The following APC variants were observed in gnomAD, a reference collection of about 807,000 sequenced individuals.
APC encodes adenomatous polyposis coli protein.
A neutral mutation model predicts 247.0 loss-of-function variants in APC; 72 were observed. The observed-to-expected ratio is 0.29, with a 90% CI of 0.24 to 0.35. APC has a LOEUF of 0.35. APC is among the 10% of genes least tolerant of loss of function. The pLI is 1.00. For missense variants in APC, 3,400 were observed against 3,360.7 expected (o/e 1.01, Z -0.29); for synonymous variants, 1,254 against 1,162.5 (o/e 1.08, Z -1.60).
At position 112,838,366 on chromosome 5, in the gene APC, A is replaced by C. The variant is rs1554084440; in HGVS notation, c.2772A>C (p.Arg924Ser). The change falls in exon 16 of 16, where the codon AGA (arginine) becomes AGC (serine). Residue 924 changes from arginine to serine, a missense_variant. Arg to Ser is a moderately radical substitution (Grantham distance 110). Coordinates refer to ENST00000257430, the MANE Select transcript of APC (RefSeq NM_000038.6). The stretch of plus-strand genomic sequence containing the variant: ...CAGATGAGAGAAATGCACTTAGAAG[A>C]AGCTCTGCTGCCCATACACATTCAA... ...CVTDERNALR[R>S]SSAAHTHSNT... The C allele has an allele frequency of 3.1e-6, 5 of 1,614,202 alleles. No homozygotes were observed. The highest frequency in any genetic ancestry group is 3.4e-6 in the Non-Finnish European group (4 of 1,180,030).
intron 1 of APC, among the ~76,000 whole-genome samples, chr5:112,726,872 CAT>C (rs1751810639): frequency 6.6e-6 from 1 of 152,092 alleles, no homozygotes; most frequent in South Asian, 2.1e-4. Context: ...AGTTTTAAAA[CAT>C]TGATCTATTT....
Position 112,821,593 on chromosome 5 carries a change from A to G in APC, c.1313-303A>G, listed in dbSNP as rs963615307. Among the ~76,000 whole-genome samples, 3 of 152,130 alleles carry G rather than the reference A, an allele frequency of 2.0e-5. No individual in the cohort carries two copies. The South Asian group carries it at 6.2e-4, about 32-fold the overall frequency. On this transcript the variant is annotated intron_variant, in intron 10 of 15. Coordinates refer to ENST00000257430, the MANE Select transcript of APC (RefSeq NM_000038.6). ...CCAAAATATTTTTATTATTTTGTATACTCAACATAATTTTAAGTTATTAGC... is the reference window on the plus strand; with the variant it reads ...CCAAAATATTTTTATTATTTTGTATGCTCAACATAATTTTAAGTTATTAGC...
chr5:112,723,285 G>C (rs974928241), intron 1 of APC, among the ~76,000 whole-genome samples: 1 of 152,076 alleles, frequency 6.6e-6, no homozygotes, highest in Non-Finnish European at 1.5e-5. Flanking sequence ...AACATGGAGA[G>C]GCCCTGCCTC....
intron 1 of APC, among the ~76,000 whole-genome samples, chr5:112,709,346 T>C (rs553122989): frequency 6.6e-6 from 1 of 152,188 alleles, no homozygotes; most frequent in African/African-American, 2.4e-5. Context: ...AATTTAGAGA[T>C]AGAATTGTTC....
intron 8 of APC, among the ~76,000 whole-genome samples, chr5:112,811,166 A>C (rs987913027): frequency 3.9e-5 from 6 of 152,224 alleles, no homozygotes; most frequent in African/African-American, 1.4e-4. Context: ...GTTGGATAGG[A>C]AAAAGGACAG....
intron 8 of APC, among the ~76,000 whole-genome samples, chr5:112,810,771 G>C (rs1023642392): frequency 6.6e-6 from 1 of 152,164 alleles, no homozygotes; most frequent in Admixed American, 6.5e-5. Context: ...AATACATGCT[G>C]GATTTGCTAG....
At chr5:112,798,557 C>A (rs989756387) in intron 7 of APC, among the ~76,000 whole-genome samples, 9 of 151,964 alleles carry the variant, frequency 5.9e-5, no homozygotes, top group African/African-American at 2.2e-4. Flanking sequence ...AAATACCTCA[C>A]CAAAATTTTT....
At chr5:112,753,626 G>A (rs1235045641) in intron 1 of APC, among the ~76,000 whole-genome samples, 1 of 152,056 alleles carries the variant, frequency 6.6e-6, no homozygotes, top group Non-Finnish European at 1.5e-5. Context: ...TTCCTCCTCA[G>A]ATGTCATTGG....
Position 112,844,290 on chromosome 5 carries a change from C to A in APC, c.*164C>A. 1.5e-6 allele frequency: 1 copy of A among 658,920 alleles called. No individual in the cohort carries two copies. Among genetic ancestry groups the A allele is most frequent in the Non-Finnish European group, 2.5e-6 (1 of 399,488 alleles). 40.8% of individuals were successfully genotyped at this position (658,920 alleles called of 1,614,324 possible). A position where few individuals can be genotyped will look rare whatever the true frequency, so the allele number is the denominator to read the frequency against. The stretch of plus-strand genomic sequence containing the variant: ...AGCCATATTTGATAGTATACTTTGT[C>A]TTCACTGGTCTTATTTTGGGAGGCA... On this transcript the variant is annotated 3_prime_UTR_variant, in exon 16 of 16. Transcript: ENST00000257430.
intron 1 of APC, among the ~76,000 whole-genome samples, chr5:112,720,535 GA>G (rs1374206552): frequency 1.3e-5 from 2 of 152,174 alleles, no homozygotes. Flanking sequence ...TTAAACATGT[GA>G]AAACAGAGGC....
chr5:112,735,186 T>C (rs1276987939), upstream of APC, among the ~76,000 whole-genome samples: 3 of 151,970 alleles, frequency 2.0e-5, no homozygotes, highest in Non-Finnish European at 4.4e-5. Context: ...AGAAAAAATA[T>C]ATATATCTTT....
intron 14 of APC, chr5:112,829,805 A>G (rs975635690): frequency 2.0e-5 from 3 of 152,246 alleles, no homozygotes; most frequent in African/African-American, 4.8e-5. Context: ...CCAAACCTCA[A>G]TCCCCTCAAA....
rs573020080 is a variant in APC at position 112,839,285 on chromosome 5, C to T, written c.3691C>T (p.Leu1231Phe). ...PSSNAKRQNQ[L>F]HPSSAQSRSG... ...ATCTAATGCCAAGAGGCAGAATCAG[C>T]TCCATCCAAGTTCTGCACAGAGTAG... Residue 1231 changes from leucine (L) to phenylalanine (F), a missense_variant, in exon 16 of 16, where the codon CTC becomes TTC. By Grantham distance (22) the Leu-to-Phe change is conservative. This residue lies in a region of APC where 715 missense variants were observed against 656.6 expected (regional missense o/e 1.09). Coordinates refer to ENST00000257430, the MANE Select transcript of APC (RefSeq NM_000038.6). The surrounding 1 kb of genome is among the most constrained non-coding windows in gnomAD (Gnocchi z 5.0). 20 of 1,614,156 alleles carry T rather than the reference C, an allele frequency of 1.2e-5. No homozygotes were observed. The South Asian group carries it at 1.8e-4, about 14-fold the overall frequency.
At chr5:112,779,991 C>G (rs752678463) in intron 5 of APC, among the ~76,000 whole-genome samples, 1 of 152,122 alleles carries the variant, frequency 6.6e-6, no homozygotes. Context: ...CCTTCATGGC[C>G]CATTATAAGT....
intron 14 of APC, 101 bp downstream of exon 14, chr5:112,829,073 A>G (rs1764043019): frequency 2.4e-6 from 2 of 821,240 alleles, no homozygotes; most frequent in Non-Finnish European, 4.3e-6. Flanking sequence ...TTACCTGTGT[A>G]TTATTCAGTA....
chr5:112,832,439 AATT>A (rs1476660104), intron 14 of APC, among the ~76,000 whole-genome samples: 1 of 152,208 alleles, frequency 6.6e-6, no homozygotes, highest in Non-Finnish European at 1.5e-5. Context: ...TTATGTGACA[AATT>A]ATGTCTAAAC....
intron 5 of APC, among the ~76,000 whole-genome samples, chr5:112,777,293 A>C (rs79040504): frequency 1.3e-5 from 2 of 152,152 alleles, no homozygotes; most frequent in Non-Finnish European, 2.9e-5. Context: ...CGAAAAAAAA[A>C]CAAGTAAGAA....
upstream of APC, among the ~76,000 whole-genome samples, chr5:112,736,048 G>T (rs1752364165): frequency 6.6e-6 from 1 of 152,106 alleles, no homozygotes; most frequent in South Asian, 2.1e-4. Context: ...TCTTTGTTTT[G>T]AAAGACTGTT....
intron 7 of APC, among the ~76,000 whole-genome samples, chr5:112,796,352 T>G (rs1323686377): frequency 6.6e-6 from 1 of 152,160 alleles, no homozygotes; most frequent in Non-Finnish European, 1.5e-5. Flanking sequence ...TGAAAGAGAT[T>G]AGAAAGAAAG....
Sources: allele counts gnomAD v4.1 joint callset (sites outside exome capture counted in the v4.1 genomes callset), GRCh38; gene constraint gnomAD v4.1.1; regional missense constraint gnomAD v4.1.1; non-coding constraint Gnocchi (gnomAD v3.1); transcripts MANE v1.5; gene names NCBI Gene and HGNC (gene_info 2026-07-23, HGNC 2026-07-21).